Variants in PRDM16 observed in about 807,000 individuals in gnomAD.
PRDM16 encodes the protein histone-lysine N-methyltransferase PRDM16.
A neutral mutation model predicts 110.6 loss-of-function variants in PRDM16; 23 were observed. The ratio of observed to expected loss-of-function variants is 0.21; its 90% CI spans 0.15 to 0.29. PRDM16 has a LOEUF of 0.29. Among genes scored for constraint, PRDM16 ranks in the 10% least tolerant of loss-of-function variants. The pLI is 1.00. For missense variants in PRDM16, 1,615 were observed against 1,794.3 expected (o/e 0.90, Z 1.81); for synonymous variants, 799 against 781.8 (o/e 1.02, Z -0.37).
rs533368672 is a variant in PRDM16, at chr1:3,351,753, C to G, written c.439-33399C>G. Among the ~76,000 whole-genome samples, 173 of 124,406 alleles carry G rather than the reference C, an allele frequency of 1.4e-3. 2 individuals are homozygous for G. Among genetic ancestry groups the G allele is most frequent in the African/African-American group, 5.0e-3 (158 of 31,464 alleles). The allele number at this position is 124,406 out of a possible 152,430, so 81.6% of individuals were successfully genotyped here. On this transcript the variant is annotated intron_variant, in intron 3 of 16. Transcript: ENST00000270722. The stretch of plus-strand genomic sequence containing the variant: ...TGTCTCTCCTCTCCCTCTCTCCCCC[C>G]CCTCTGTTTCTCTTCTTCCCTCCCT...
chr1:3,314,595 C>A (rs142596369), intron 3 of PRDM16, among the ~76,000 whole-genome samples: 36 of 152,070 alleles, frequency 2.4e-4, no homozygotes, highest in East Asian at 5.8e-4. Context: ...TCTCTCCCCC[C>A]CTCCCTCCTT....
chr1:3,125,629 C>A (rs12058292), intron 1 of PRDM16, among the ~76,000 whole-genome samples: 3,640 of 152,338 alleles, frequency 0.024, 147 homozygotes, highest in African/African-American at 0.084. Context: ...GGACCGGGCT[C>A]CGCTTTTAAT....
intron 3 of PRDM16, among the ~76,000 whole-genome samples, chr1:3,267,780 G>A (rs765802842): frequency 2.6e-5 from 4 of 151,980 alleles, no homozygotes; most frequent in South Asian, 2.1e-4. Flanking sequence ...TCCATCCCGC[G>A]CCGCTGCGGG....
intron 3 of PRDM16, among the ~76,000 whole-genome samples, chr1:3,248,059 A>G (rs1233563515): frequency 6.6e-6 from 1 of 152,264 alleles, no homozygotes; most frequent in Admixed American, 6.5e-5. Flanking sequence ...GGGACGAATC[A>G]AGAGCCGTGT....
intron 3 of PRDM16, among the ~76,000 whole-genome samples, chr1:3,341,843 G>GT (rs1186867916): frequency 6.6e-6 from 1 of 152,246 alleles, no homozygotes; most frequent in African/African-American, 2.4e-5. Flanking sequence ...TTGCCTGACT[G>GT]TAAGATTTCC....
At chr1:3,168,969 AGGACCAGTGCAAGG>A (rs1359373183) in intron 1 of PRDM16, among the ~76,000 whole-genome samples, 3 of 152,328 alleles carry the variant, frequency 2.0e-5, no homozygotes, top group African/African-American at 7.2e-5. Context: ...GTGCAGGTTC[AGGACCAGTGCAAGG>A]GGACATGGGG....
Position 3,390,634 on chromosome 1 carries a change from C to A in PRDM16, c.573+5348C>A, listed in dbSNP as rs1264389275. On this transcript the variant is annotated intron_variant, in intron 4 of 16. Coordinates refer to ENST00000270722, the MANE Select transcript of PRDM16 (RefSeq NM_022114.4). This position sits in a 1 kb window ranked among gnomAD's most constrained non-coding sequence, Gnocchi z 5.0. Reference sequence around the variant, plus strand: ...AGCCCGCGCGGGTTGTTCATGAGAACCAGGTGTCTCTCGGGTCGGCGGAGG... The same window carrying A: ...AGCCCGCGCGGGTTGTTCATGAGAAACAGGTGTCTCTCGGGTCGGCGGAGG... Among the ~76,000 whole-genome samples the A allele has an allele frequency of 6.6e-6, 1 of 152,128 alleles. No homozygotes were observed. Among genetic ancestry groups the A allele is most frequent in the Non-Finnish European group, 1.5e-5 (1 of 68,014 alleles).
At chr1:3,253,100 G>T (rs538299935) in intron 3 of PRDM16, among the ~76,000 whole-genome samples, 2 of 152,176 alleles carry the variant, frequency 1.3e-5, no homozygotes, top group South Asian at 4.2e-4. Context: ...CAGCCTCCAC[G>T]ATTCTCCTGC....
At chr1:3,074,889 C>T (rs1429879237) in intron 1 of PRDM16, among the ~76,000 whole-genome samples, 7 of 152,246 alleles carry the variant, frequency 4.6e-5, no homozygotes, top group Admixed American at 3.3e-4. Context: ...CGGCTGCTGA[C>T]ATCCCTGGTC....
intron 3 of PRDM16, among the ~76,000 whole-genome samples, chr1:3,357,984 G>A (rs929421897): frequency 6.6e-6 from 1 of 152,230 alleles, no homozygotes; most frequent in African/African-American, 2.4e-5. Context: ...AGGCCCACTC[G>A]TGAGCCTTGC....
chr1:3,389,632 C>T lies in PRDM16; in HGVS notation c.573+4346C>T, dbSNP rs577441920. Among the ~76,000 whole-genome samples the T allele has an allele frequency of 1.7e-4, 26 of 152,328 alleles. No homozygotes were observed. The East Asian group carries it at 5.0e-3, about 29-fold the overall frequency. The stretch of plus-strand genomic sequence containing the variant: ...CCCGGCCCTGTTGCCCAAAAGGGGA[C>T]TTGTGGTTTTCTATTTGCACAAGGA... On this transcript the variant is annotated intron_variant, in intron 4 of 16. Coordinates refer to ENST00000270722, the MANE Select transcript of PRDM16 (RefSeq NM_022114.4).
At chr1:3,139,256 C>T (rs920352967) in intron 1 of PRDM16, among the ~76,000 whole-genome samples, 9 of 152,294 alleles carry the variant, frequency 5.9e-5, no homozygotes, top group Non-Finnish European at 1.0e-4. Flanking sequence ...TGTTGGAACA[C>T]GGCACGCAGA....
intron 2 of PRDM16, among the ~76,000 whole-genome samples, chr1:3,222,126 G>A (rs1370081350): frequency 6.6e-6 from 1 of 152,202 alleles, no homozygotes; most frequent in Non-Finnish European, 1.5e-5. Context: ...CGTTTGCAGG[G>A]CCAGCCTCCG....
intron 1 of PRDM16, among the ~76,000 whole-genome samples, chr1:3,124,565 C>T (rs1469969356): frequency 6.6e-6 from 1 of 152,230 alleles, no homozygotes; most frequent in African/African-American, 2.4e-5. Context: ...GTCCTTTGGC[C>T]AACCCTGACC....
chr1:3,432,722 G>GC (rs1341725013), intron 16 of PRDM16, among the ~76,000 whole-genome samples: 2 of 152,168 alleles, frequency 1.3e-5, no homozygotes, highest in Non-Finnish European at 2.9e-5. Context: ...GAACAGGCCC[G>GC]CCCCAGGTCT....
In PRDM16 at chr1:3,353,694, C is replaced by T. The variant is rs1340340288; in HGVS notation, c.439-31458C>T. ...TGCAGAGAGAACAGGACAATCCTAG[C>T]TCAGGCTGGTGGAGGTTTGGGGATG... On this transcript the variant is annotated intron_variant, in intron 3 of 16. Transcript: ENST00000270722. The surrounding 1 kb of genome is among the most constrained non-coding windows in gnomAD (Gnocchi z 5.4). Among the ~76,000 whole-genome samples, 1 of 152,220 alleles carries T rather than the reference C, an allele frequency of 6.6e-6. No individual in the cohort carries two copies. The highest frequency in any genetic ancestry group is 6.5e-5 in the Admixed American group (1 of 15,286).
At chr1:3,401,518 G>A (rs541280233) in intron 5 of PRDM16, among the ~76,000 whole-genome samples, 2 of 151,944 alleles carry the variant, frequency 1.3e-5, no homozygotes, top group South Asian at 2.1e-4. Flanking sequence ...AAACATGCAC[G>A]TTAGCATACA....
chr1:3,412,114 G>C lies in PRDM16; in HGVS notation c.1917G>C (p.Lys639Asn). ...GCGACCCTGACAAGGACAAGGGCAA[G>C]GGCAAGTCCGCCGAGGGCCAGCCCA... ...VDSDPDKDKG[K>N]GKSAEGQPKF... is the part of the protein sequence containing the mutation. Residue 639 changes from lysine (K) to asparagine (N), a missense_variant, in exon 9 of 17, where the codon AAG becomes AAC. Physicochemically the swap from Lys to Asn is moderately conservative, Grantham distance 94 (BLOSUM62 0). Coordinates refer to ENST00000270722, the MANE Select transcript of PRDM16 (RefSeq NM_022114.4). The C allele has an allele frequency of 6.4e-7, 1 of 1,573,116 alleles. No individual in the cohort carries two copies. The highest frequency in any genetic ancestry group is 2.3e-5 in the East Asian group (1 of 44,386).
At chr1:3,422,290 GGCAGGCAGACAGACAGGCAGACAGACAA>G (rs1451266760) in intron 12 of PRDM16, among the ~76,000 whole-genome samples, 161 of 151,444 alleles carry the variant, frequency 1.1e-3, no homozygotes, top group African/African-American at 3.6e-3. Context: ...TGGACAGACA[GGCAGGCAGACAGACAGGCAGACAGACAA>G]GCAGATGGAC....
Sources: gnomAD v4.1 joint callset for allele counts (sites outside exome capture counted in the v4.1 genomes callset) on GRCh38, gnomAD v4.1.1 for gene constraint, Gnocchi (gnomAD v3.1) non-coding constraint, MANE v1.5 for transcripts, NCBI Gene and HGNC (gene_info 2026-07-23, HGNC 2026-07-21) for gene names.